GSE1: variants seen among roughly 807,000 people sequenced by gnomAD.
GSE1 encodes the protein Gse1 coiled-coil protein, also known as genetic suppressor element 1.
GSE1 carries 32 observed loss-of-function variants against 112.6 expected under a neutral mutation model. The ratio of observed to expected loss-of-function variants is 0.28; its 90% confidence interval spans 0.21 to 0.38. The LOEUF (loss-of-function observed/expected upper bound fraction) is 0.38. GSE1 is among the 10% of genes least tolerant of loss of function. The pLI, the probability that GSE1 is intolerant of heterozygous loss-of-function variation, is 1.00. For missense variants in GSE1, 2,348 were observed against 1,699.2 expected, an observed-to-expected ratio of 1.38 and a Z score of -6.71; for synonymous variants, 1,115 against 735.6, an observed-to-expected ratio of 1.52 and a Z score of -8.35.
At position 85,169,967 on chromosome 16, in the gene GSE1, C is replaced by CCGG. The variant is rs1350845543; in HGVS notation, c.446_448dup (p.Gly149dup). ...GTCGCCTACGCGCTGGGCAGCGCCA[C>CCGG]CGGCGACGACGACGAGGACGACGGT... On this transcript the variant is annotated inframe_insertion, in exon 1 of 3. Coordinates refer to the GSE1 transcript ENST00000637419. The CCGG allele has an allele frequency of 9.1e-6, 9 of 984,588 alleles. No individual in the cohort carries two copies. The East Asian group carries it at 9.1e-4, about 100-fold the overall frequency. 61.0% of individuals were successfully genotyped at this position (984,588 alleles called of 1,614,324 possible). A position where few individuals can be genotyped will look rare whatever the true frequency, so the allele number is the denominator to read the frequency against.
intron 2 of GSE1, among the ~76,000 whole-genome samples, chr16:85,520,087 G>T (rs915620630): frequency 6.6e-6 from 1 of 152,180 alleles, no homozygotes; most frequent in Non-Finnish European, 1.5e-5. Flanking sequence ...AACAACCATC[G>T]AAATGTACTG....
Position 85,294,643 on chromosome 16 carries a change from CTCTCTCTCTCTCTCTG to C in GSE1, c.2284-62807_2284-62792del, listed in dbSNP as rs1483068673. On this transcript the variant is annotated intron_variant, in intron 1 of 2. Transcript: ENST00000637419. Reference sequence around the variant, plus strand: ...TCTCTCTCTCTCTCTCTCTCTCTCTCTCTCTCTCTCTCTCTGTCTCTCTCTCTCCCCCCCCTTCCCT... The same window carrying C: ...TCTCTCTCTCTCTCTCTCTCTCTCTCTCTCTCTCTCTCCCCCCCCTTCCCT... 5.9e-3 allele frequency among the ~76,000 whole-genome samples: 783 copies of C among 131,852 alleles called. 16 individuals are homozygous for C. Among genetic ancestry groups the C allele is most frequent in the African/African-American group, 0.023 (744 of 32,746 alleles). The allele number at this position is 131,852 out of a possible 152,430, so 86.5% of individuals were successfully genotyped here. A position where few individuals can be genotyped will look rare whatever the true frequency, so the allele number is the denominator to read the frequency against.
At chr16:85,169,703 C>T in exon 1 of GSE1, 2 of 983,280 alleles carry the variant, frequency 2.0e-6, no homozygotes, top group Non-Finnish European at 2.4e-6. Context: ...CCGGCGCAGC[C>T]CTTCTTCCCG....
intron 2 of GSE1, among the ~76,000 whole-genome samples, chr16:85,509,364 A>T (rs1354062878): frequency 6.6e-6 from 1 of 152,192 alleles, no homozygotes; most frequent in East Asian, 1.9e-4. Flanking sequence ...TCTCCTCAGA[A>T]CAATGGGGGA....
intron 2 of GSE1, among the ~76,000 whole-genome samples, chr16:85,639,664 G>T (rs527379328): frequency 6.6e-6 from 1 of 152,382 alleles, no homozygotes; most frequent in South Asian, 2.1e-4. Context: ...TCCACACCCT[G>T]AAGGCAGCCC....
At chr16:85,560,573 G>T (rs1007478206) in intron 1 of GSE1, among the ~76,000 whole-genome samples, 1 of 152,154 alleles carries the variant, frequency 6.6e-6, no homozygotes, top group South Asian at 2.1e-4. Context: ...GGAGAGCAAG[G>T]TGCAGGGGCA....
chr16:85,649,334 A>G (rs2051141033), intron 3 of GSE1, among the ~76,000 whole-genome samples: 1 of 152,192 alleles, frequency 6.6e-6, no homozygotes. Context: ...TTGCACGCTG[A>G]GCACCCGGCA....
At chr16:85,187,132 C>T (rs1313478755) in intron 1 of GSE1, among the ~76,000 whole-genome samples, 1 of 152,226 alleles carries the variant, frequency 6.6e-6, no homozygotes, top group Admixed American at 6.5e-5. Context: ...TGGAGCCGGC[C>T]AGTGGGAGCG....
At chr16:85,183,198 C>G (rs2074630068) in intron 1 of GSE1, among the ~76,000 whole-genome samples, 1 of 152,184 alleles carries the variant, frequency 6.6e-6, no homozygotes, top group African/African-American at 2.4e-5. Context: ...TCCTCACACA[C>G]ATGTGTATGC....
intron 1 of GSE1, among the ~76,000 whole-genome samples, chr16:85,247,152 A>G (rs149296884): frequency 9.2e-4 from 140 of 151,958 alleles, no homozygotes; most frequent in African/African-American, 2.8e-3. Context: ...CCAGGCTCTC[A>G]TCTGTGGTTT....
intron 2 of GSE1, among the ~76,000 whole-genome samples, chr16:85,463,786 C>T (rs572731550): frequency 8.7e-4 from 133 of 152,278 alleles, no homozygotes; most frequent in African/African-American, 2.8e-3. Context: ...CGCCATGAGT[C>T]CCATCGGAGA....
intron 2 of GSE1, among the ~76,000 whole-genome samples, chr16:85,434,323 TAATAA>T (rs2049190745): frequency 6.9e-6 from 1 of 144,256 alleles, no homozygotes; most frequent in Admixed American, 6.9e-5. Flanking sequence ...ATAATAATAA[TAATAA>T]TAATAATAAT....
chr16:85,630,283 G>A (rs2049432196), intron 1 of GSE1, among the ~76,000 whole-genome samples: 1 of 152,198 alleles, frequency 6.6e-6, no homozygotes, highest in South Asian at 2.1e-4. Context: ...GCTCAGTCTG[G>A]CCCACGCTTG....
chr16:85,554,822 G>T, upstream of GSE1: 1 of 955,038 alleles, frequency 1.0e-6, no homozygotes, highest in Middle Eastern at 5.3e-4. Context: ...CGGGCGGCCA[G>T]AGCGCGGAGT....
intron 2 of GSE1, among the ~76,000 whole-genome samples, chr16:85,456,579 C>CATGTGTGTGTGTGT (rs1491195220): frequency 2.2e-5 from 2 of 91,476 alleles, no homozygotes; most frequent in African/African-American, 7.9e-5. Flanking sequence ...ATTTTCCTGC[C>CATGTGTGTGTGTGT]GTGTGTGTGT....
At chr16:85,200,684 G>A (rs1423903478) in intron 1 of GSE1, among the ~76,000 whole-genome samples, 1 of 152,154 alleles carries the variant, frequency 6.6e-6, no homozygotes, top group East Asian at 1.9e-4. Context: ...TTACTGCAAG[G>A]GGACAGTTCA....
At chr16:85,333,623 A>G (rs1289612680) in intron 1 of GSE1, among the ~76,000 whole-genome samples, 2 of 152,238 alleles carry the variant, frequency 1.3e-5, no homozygotes. Context: ...CAATGGGGAC[A>G]ATAACATACC....
chr16:85,515,219 C>G (rs912935154), intron 2 of GSE1, among the ~76,000 whole-genome samples: 3 of 152,172 alleles, frequency 2.0e-5, no homozygotes, highest in Admixed American at 1.3e-4. Context: ...TTTCCATCTG[C>G]GGGCACCCGC....
chr16:85,187,569 C>T (rs898630180), intron 1 of GSE1, among the ~76,000 whole-genome samples: 2 of 152,258 alleles, frequency 1.3e-5, no homozygotes, highest in African/African-American at 4.8e-5. Flanking sequence ...TTTCCTGTGA[C>T]AGAGAAACCC....
Sources: gnomAD v4.1 joint callset for allele counts (sites outside exome capture counted in the v4.1 genomes callset) on GRCh38, gnomAD v4.1.1 for gene constraint, MANE v1.5 for transcripts, NCBI Gene and HGNC (gene_info 2026-07-23, HGNC 2026-07-21) for gene names.